SLTM: variants seen among roughly 807,000 people sequenced by gnomAD.
The protein encoded by SLTM is SAFB like transcription modulator.
In SLTM, 43 loss-of-function variants were observed where a neutral mutation model predicts 134.6. That is an observed-to-expected ratio of 0.32 (90% CI 0.25 to 0.41). The LOEUF (loss-of-function observed/expected upper bound fraction) is 0.41. SLTM is among the 10% of genes least tolerant of loss of function. The probability of loss-of-function intolerance (pLI) is 1.00; values close to 1 mark genes in which losing one functional copy is unlikely to be tolerated. For missense variants in SLTM, 1,055 were observed against 1,288.8 expected, an observed-to-expected ratio of 0.82 and a Z score of 2.78; for synonymous variants, 424 against 432.3, an observed-to-expected ratio of 0.98 and a Z score of 0.24.
chr15:58,923,748 T>C (rs1191104835), intron 2 of SLTM, among the ~76,000 whole-genome samples: 1 of 149,482 alleles, frequency 6.7e-6, no homozygotes, highest in Non-Finnish European at 1.5e-5. Flanking sequence ...GAAAGTGGCA[T>C]GACCAGGATA....
chr15:58,931,627 G>A (rs1351482925), intron 2 of SLTM, among the ~76,000 whole-genome samples: 1 of 152,044 alleles, frequency 6.6e-6, no homozygotes, highest in African/African-American at 2.4e-5. Flanking sequence ...TTCAAATAAA[G>A]GTTTCATTTA....
chr15:58,892,751 T>A, intron 14 of SLTM, 146 bp downstream of exon 14: 1 of 810,964 alleles, frequency 1.2e-6, no homozygotes, highest in Non-Finnish European at 2.0e-6. Context: ...CTATGCAAAC[T>A]TAAGAAATCA....
At position 58,894,430 on chromosome 15, in the gene SLTM, T is replaced by C; in HGVS notation, c.1377+3A>G. On this transcript the variant is annotated splice_donor_region_variant and intron_variant, in intron 10 of 20. Transcript: ENST00000380516. Reference sequence around the variant, plus strand: ...GCTTTGATAAACAGTTAGGGAAGCTTACTTTTTCAACAGAAATCAGCTGTC... The same window carrying C: ...GCTTTGATAAACAGTTAGGGAAGCTCACTTTTTCAACAGAAATCAGCTGTC... The C allele has an allele frequency of 6.2e-7, 1 of 1,614,122 alleles. No homozygotes were observed. Among genetic ancestry groups the C allele is most frequent in the Non-Finnish European group, 8.5e-7 (1 of 1,179,976 alleles).
intron 5 of SLTM, among the ~76,000 whole-genome samples, chr15:58,907,244 G>C (rs558628019): frequency 2.0e-5 from 3 of 152,242 alleles, no homozygotes; most frequent in African/African-American, 7.2e-5. Flanking sequence ...TGAAACATTA[G>C]GTGCAAAGGC....
chr15:58,916,721 T>C (rs1198255828), intron 3 of SLTM: 2 of 410,328 alleles, frequency 4.9e-6, no homozygotes, highest in African/African-American at 2.1e-5. Flanking sequence ...TTTTAGCTTT[T>C]GTATCTCATT....
chr15:58,898,095 A>G (rs533962838), intron 8 of SLTM: 2 of 152,290 alleles, frequency 1.3e-5, no homozygotes, highest in East Asian at 3.9e-4. Context: ...AAGACCAACC[A>G]ATTCATAAAT....
chr15:58,912,949 T>C (rs534070652), intron 4 of SLTM: 50 of 201,114 alleles, frequency 2.5e-4, no homozygotes, highest in South Asian at 1.9e-3. Flanking sequence ...AAATGGTCTA[T>C]TTCAAAGAAA....
In SLTM at chr15:58,899,360, A is replaced by G. The variant is rs1595870049; in HGVS notation, c.1058+109T>C. On this transcript the variant is annotated intron_variant, in intron 7 of 20. Transcript: ENST00000380516. The surrounding 1 kb of genome is among the most constrained non-coding windows in gnomAD (Gnocchi z 5.0). The stretch of plus-strand genomic sequence containing the variant: ...GGTCAAAAATATTATAGGCAGGATC[A>G]TAAGACACTAATTACTGTACATGTT... 1 of 859,008 alleles carries G rather than the reference A, an allele frequency of 1.2e-6. No individual in the cohort carries two copies. Among genetic ancestry groups the G allele is most frequent in the East Asian group, 2.4e-5 (1 of 41,216 alleles). The allele number at this position is 859,008 out of a possible 1,614,324, so 53.2% of individuals were successfully genotyped here. A position where few individuals can be genotyped will look rare whatever the true frequency, so the allele number is the denominator to read the frequency against.
At chr15:58,886,773 T>C (rs2034243726) in intron 19 of SLTM, among the ~76,000 whole-genome samples, 1 of 152,192 alleles carries the variant, frequency 6.6e-6, no homozygotes, top group Non-Finnish European at 1.5e-5. Flanking sequence ...CTTAACTCTT[T>C]GGACTACTGA....
rs1402258891 is a variant in SLTM at position 58,879,926 on chromosome 15, T to G, written c.*73A>C. The stretch of plus-strand genomic sequence containing the variant: ...ACTCTCAAGCAAGTCAGAGGTCCTC[T>G]TCATAAGTAGTCAAGTAAAGTTTAC... On this transcript the variant is annotated 3_prime_UTR_variant, in exon 21 of 21. Coordinates refer to ENST00000380516, the MANE Select transcript of SLTM (RefSeq NM_024755.4). 3.9e-6 allele frequency: 6 copies of G among 1,552,316 alleles called. No individual in the cohort carries two copies. In the Admixed American group the frequency reaches 1.1e-4, roughly 30 times the overall value.
intron 15 of SLTM, 96 bp downstream of exon 15, chr15:58,890,185 T>C (rs1326551538): frequency 1.4e-5 from 20 of 1,399,594 alleles, no homozygotes; most frequent in East Asian, 9.1e-5. Flanking sequence ...ACTCATTCTA[T>C]AGACGCTTTA....
chr15:58,901,092 A>G (rs2035457341), intron 6 of SLTM, 168 bp downstream of exon 6: 1 of 625,326 alleles, frequency 1.6e-6, no homozygotes, highest in African/African-American at 1.9e-5. Flanking sequence ...TCAAAAGAAA[A>G]TTAAAACCAA....
At chr15:58,898,488 T>C (rs914291714) in intron 8 of SLTM, 4 of 191,426 alleles carry the variant, frequency 2.1e-5, no homozygotes, top group Non-Finnish European at 4.2e-5. Context: ...AAAGATAAAA[T>C]AGTTCTGAAA....
intron 15 of SLTM, 121 bp from the exon 16 acceptor site, chr15:58,889,675 C>T: frequency 8.2e-7 from 1 of 1,226,102 alleles, no homozygotes; most frequent in Non-Finnish European, 1.1e-6. Flanking sequence ...CCAGGCAAAA[C>T]ACAAACCTAT....
chr15:58,917,152 C>A, intron 2 of SLTM, 153 bp from the exon 3 acceptor site: 1 of 638,624 alleles, frequency 1.6e-6, no homozygotes, highest in Non-Finnish European at 2.7e-6. Flanking sequence ...CAGAGCTGTC[C>A]CAAACAAAAA....
chr15:58,921,624 A>T, intron 2 of SLTM: 1 of 428,908 alleles, frequency 2.3e-6, no homozygotes. Context: ...ACAGTGATGA[A>T]ACTGGAGTAA....
intron 2 of SLTM, among the ~76,000 whole-genome samples, chr15:58,929,747 C>G (rs2037738589): frequency 6.6e-6 from 1 of 151,916 alleles, no homozygotes; most frequent in Non-Finnish European, 1.5e-5. Context: ...TGTAAAATGG[C>G]AGAGAAAACA....
In SLTM at chr15:58,913,507, C is replaced by T. The variant is rs147047232; in HGVS notation, c.505G>A (p.Glu169Lys). 1.6e-5 allele frequency: 26 copies of T among 1,605,540 alleles called. No individual in the cohort carries two copies. The highest frequency in any genetic ancestry group is 1.9e-5 in the Non-Finnish European group (22 of 1,177,468). Residue 169 changes from glutamate to lysine, a missense_variant, in exon 4 of 21, where the codon GAA becomes AAA. Glu to Lys is a moderately conservative substitution (Grantham distance 56, BLOSUM62 1). Coordinates refer to ENST00000380516, the MANE Select transcript of SLTM (RefSeq NM_024755.4). Reference sequence around the variant, plus strand: ...AAAAACTGGCTAAAGACCTGACTTTCGATGTCCTCTTTTTCTATATCTTCT... The same window carrying T: ...AAAAACTGGCTAAAGACCTGACTTTTGATGTCCTCTTTTTCTATATCTTCT... ...GIEDIEKEDI[E>K]SQEIEAQEGE...
Position 58,887,095 on chromosome 15 carries a change from C to A in SLTM, c.2715G>T (p.Gly905=). The change falls in exon 19 of 21, where the codon GGG becomes GGT. Residue 905 remains glycine, a synonymous_variant. Transcript: ENST00000380516. The part of the protein sequence containing the change: ...ETRVERPERS[G]REVSGHSVRG... ...TCACACTGTGCCCTGATACTTCTCTCCCAGATCGTTCTGGCCTTTCAACTC... is the reference window on the plus strand; with the variant it reads ...TCACACTGTGCCCTGATACTTCTCTACCAGATCGTTCTGGCCTTTCAACTC... 1 of 1,614,096 alleles carries A rather than the reference C, an allele frequency of 6.2e-7. No individual in the cohort carries two copies. The highest frequency in any genetic ancestry group is 8.5e-7 in the Non-Finnish European group (1 of 1,180,012).
Sources: allele counts gnomAD v4.1 joint callset (sites outside exome capture counted in the v4.1 genomes callset), GRCh38; gene constraint gnomAD v4.1.1; non-coding constraint Gnocchi (gnomAD v3.1); transcripts MANE v1.5; gene names NCBI Gene and HGNC (gene_info 2026-07-23, HGNC 2026-07-21).